DDX59: variants seen among roughly 807,000 people sequenced by gnomAD.
DDX59 encodes DEAD-box helicase 59, also known as probable ATP-dependent RNA helicase DDX59.
In DDX59, 30 loss-of-function variants were observed where a neutral mutation model predicts 51.9. The ratio of observed to expected loss-of-function variants is 0.58; its 90% confidence interval spans 0.43 to 0.78. DDX59 has a LOEUF of 0.78. Among genes scored for constraint, DDX59 ranks in the 30% least tolerant of loss-of-function variants. The pLI is 0.00. For synonymous variants in DDX59, 255 were observed against 253.3 expected (o/e 1.01, Z -0.06); for missense variants, 672 against 730.8 (o/e 0.92, Z 0.93).
At chr1:200,643,011 T>A (rs534801184), downstream of DDX59, among the ~76,000 whole-genome samples, 1 of 152,334 alleles carries the variant, frequency 6.6e-6, no homozygotes, top group African/African-American at 2.4e-5. Flanking sequence ...ATACTATAGC[T>A]AATATTTTTT....
At chr1:200,665,265 G>A (rs1474679800) in intron 2 of DDX59, among the ~76,000 whole-genome samples, 1 of 152,076 alleles carries the variant, frequency 6.6e-6, no homozygotes, top group Non-Finnish European at 1.5e-5. Context: ...AGACCAGCCT[G>A]ACCAATAAGG....
Position 200,669,895 on chromosome 1 carries a change from T to TGCGGGGCGGAGCGGGGCGGAGCGGA in DDX59, c.-141_-140insTCCGCTCCGCCCCGCTCCGCCCCGC, listed in dbSNP as rs141196498. On this transcript the variant is annotated 5_prime_UTR_variant, in exon 1 of 8. Transcript: ENST00000331314. Reference sequence around the variant, plus strand: ...CAGGACTGCGGCCCGGGGTTGGTGGTGCGGAGCGGAGCGGAGCGGAGCGTA... The same window carrying TGCGGGGCGGAGCGGGGCGGAGCGGA: ...CAGGACTGCGGCCCGGGGTTGGTGGTGCGGGGCGGAGCGGGGCGGAGCGGAGCGGAGCGGAGCGGAGCGGAGCGTA... 1.6e-5 allele frequency: 2 copies of TGCGGGGCGGAGCGGGGCGGAGCGGA among 122,182 alleles called. No homozygotes were observed. The highest frequency in any genetic ancestry group is 5.4e-5 in the African/African-American group (2 of 37,258). 7.6% of individuals were successfully genotyped at this position (122,182 alleles called of 1,614,324 possible).
chr1:200,641,248 A>G (rs1260529748), downstream of DDX59: 2 of 1,303,356 alleles, frequency 1.5e-6, no homozygotes, highest in African/African-American at 3.0e-5. Context: ...CAACCCAAAT[A>G]ATATTCAGCT....
intron 4 of DDX59, among the ~76,000 whole-genome samples, chr1:200,653,108 G>GCT (rs748763987): frequency 4.9e-4 from 74 of 151,648 alleles, no homozygotes; most frequent in Non-Finnish European, 9.1e-4. Flanking sequence ...CCTCATCTGT[G>GCT]CTCTCTCCTC....
chr1:200,648,346 G>T, intron 7 of DDX59, 93 bp downstream of exon 7: 1 of 1,549,702 alleles, frequency 6.5e-7, no homozygotes, highest in Non-Finnish European at 8.8e-7. Flanking sequence ...TGTCCTGGCC[G>T]ATACTGCTTT....
At chr1:200,659,153 T>C in intron 3 of DDX59, 37 bp from the exon 4 acceptor site, 2 of 1,483,100 alleles carry the variant, frequency 1.3e-6, no homozygotes, top group Non-Finnish European at 1.9e-6. Flanking sequence ...AAAAAATCAG[T>C]AATAGCTATT....
At chr1:200,662,829 A>T (rs1222052210) in intron 3 of DDX59, among the ~76,000 whole-genome samples, 2 of 152,220 alleles carry the variant, frequency 1.3e-5, no homozygotes, top group African/African-American at 4.8e-5. Flanking sequence ...CCAACTTCAA[A>T]TTTGATGCCC....
In DDX59 at chr1:200,669,878, C is replaced by G. The variant is rs1050022715; in HGVS notation, c.-123G>C. 7.1e-6 allele frequency: 1 copy of G among 141,064 alleles called. No individual in the cohort carries two copies. Among genetic ancestry groups the G allele is most frequent in the Non-Finnish European group, 1.5e-5 (1 of 64,936 alleles). 8.7% of individuals were successfully genotyped at this position (141,064 alleles called of 1,614,324 possible). A position where few individuals can be genotyped will look rare whatever the true frequency, so the allele number is the denominator to read the frequency against. ...AGCCCTGACCCGCTCGTCAGGACTG[C>G]GGCCCGGGGTTGGTGGTGCGGAGCG... On this transcript the variant is annotated 5_prime_UTR_variant, in exon 1 of 8. Coordinates refer to ENST00000331314, the MANE Select transcript of DDX59 (RefSeq NM_001031725.6).
chr1:200,642,674 T>C (rs1661082949), downstream of DDX59, among the ~76,000 whole-genome samples: 1 of 151,938 alleles, frequency 6.6e-6, no homozygotes, highest in Admixed American at 6.6e-5. Context: ...AGTCTGAAAA[T>C]TGTGTGGCGA....
At chr1:200,658,229 C>T (rs1415903786) in intron 4 of DDX59, among the ~76,000 whole-genome samples, 1 of 152,088 alleles carries the variant, frequency 6.6e-6, no homozygotes. Context: ...TGGCACATGC[C>T]CAGGGTGGGC....
At chr1:200,667,294 G>A (rs1282202516) in intron 1 of DDX59, among the ~76,000 whole-genome samples, 9 of 152,220 alleles carry the variant, frequency 5.9e-5, no homozygotes, top group South Asian at 2.1e-4. Context: ...CCAGCTACTC[G>A]GGAGGCTGAG....
chr1:200,653,964 T>G (rs1267221523), intron 4 of DDX59, among the ~76,000 whole-genome samples: 1 of 152,204 alleles, frequency 6.6e-6, no homozygotes, highest in Non-Finnish European at 1.5e-5. Flanking sequence ...TGTCTCATCT[T>G]CCACTGTATT....
chr1:200,644,726 C>T (rs1205966781), intron 7 of DDX59, among the ~76,000 whole-genome samples: 1 of 151,962 alleles, frequency 6.6e-6, no homozygotes, highest in Non-Finnish European at 1.5e-5. Context: ...AAAATCCTGT[C>T]TCTACTAAAA....
intron 3 of DDX59, among the ~76,000 whole-genome samples, chr1:200,662,851 T>C (rs1478308821): frequency 2.0e-5 from 3 of 152,238 alleles, no homozygotes; most frequent in African/African-American, 7.2e-5. Context: ...TCAAAAGTAC[T>C]TGTATTGTTT....
At chr1:200,655,233 A>G (rs934485572) in intron 4 of DDX59, 1 of 152,192 alleles carries the variant, frequency 6.6e-6, no homozygotes, top group Admixed American at 6.5e-5. Context: ...AGGCACAACT[A>G]TAATTGATGG....
At position 200,659,062 on chromosome 1, in the gene DDX59, C is replaced by G; in HGVS notation, c.1027G>C (p.Glu343Gln). 6.2e-7 allele frequency: 1 copy of G among 1,613,738 alleles called. No individual in the cohort carries two copies. Among genetic ancestry groups the G allele is most frequent in the East Asian group, 2.2e-5 (1 of 44,848 alleles). Reference protein sequence around the residue: ...LLDIIKQSSVELCGVKIVVVD... With the variant: ...LLDIIKQSSVQLCGVKIVVVD... ...ACCACAATCTTTACACCACAGAGTT[C>G]TACAGAGCTCTGCTTTATTATATCC... Residue 343 changes from glutamate (E) to glutamine (Q), a missense_variant, in exon 4 of 8, where the codon GAA (glutamate) becomes CAA (glutamine). Coordinates refer to ENST00000331314, the MANE Select transcript of DDX59 (RefSeq NM_001031725.6).
chr1:200,646,082 C>G (rs1661273892), intron 7 of DDX59, among the ~76,000 whole-genome samples: 1 of 152,202 alleles, frequency 6.6e-6, no homozygotes, highest in South Asian at 2.1e-4. Flanking sequence ...TGCCTATAAT[C>G]CCAGCATTTT....
intron 3 of DDX59, among the ~76,000 whole-genome samples, chr1:200,661,126 G>A (rs2809339): frequency 0.98 from 149,607 of 152,312 alleles, 73,529 homozygotes; most frequent in Middle Eastern, 1. Context: ...TTAGATAGAA[G>A]GTAAGGAAGA....
chr1:200,651,760 G>A (rs1010093839), intron 4 of DDX59, among the ~76,000 whole-genome samples: 3 of 152,146 alleles, frequency 2.0e-5, no homozygotes, highest in African/African-American at 7.2e-5. Context: ...TGTAATCCCA[G>A]CACTTTGGGA....
Sources: allele counts gnomAD v4.1 joint callset (sites outside exome capture counted in the v4.1 genomes callset), GRCh38; gene constraint gnomAD v4.1.1; transcripts MANE v1.5; gene names NCBI Gene and HGNC (gene_info 2026-07-23, HGNC 2026-07-21).